C13orf42: variants seen among roughly 807,000 people sequenced by gnomAD.
The protein encoded by C13orf42 is chromosome 13 open reading frame 42.
chr13:51,095,704 G>A (rs186389324), intron 1 of C13orf42, among the ~76,000 whole-genome samples: 2 of 151,976 alleles, frequency 1.3e-5, no homozygotes, highest in East Asian at 3.9e-4. Context: ...TTTTCATTTG[G>A]TTCTTTCTTA....
rs374979809 is a variant in C13orf42, at chr13:51,128,971, A to C, written n.137-15749T>G. On this transcript the variant is annotated intron_variant and non_coding_transcript_variant, in intron 1 of 4. Transcript: ENST00000433280. ...CCCTACCTCCATTAACTAACCTTTGAGCTAGATGACCCTCTCAGGTGGATG... is the reference window on the plus strand; with the variant it reads ...CCCTACCTCCATTAACTAACCTTTGCGCTAGATGACCCTCTCAGGTGGATG... Among the ~76,000 whole-genome samples the C allele has an allele frequency of 5.8e-4, 88 of 152,252 alleles. 1 individual carries two copies. The highest frequency in any genetic ancestry group is 6.8e-3 in the Middle Eastern group (2 of 294).
chr13:51,096,037 A>AT (rs1164538361), intron 1 of C13orf42, among the ~76,000 whole-genome samples: 2 of 152,148 alleles, frequency 1.3e-5, no homozygotes, highest in African/African-American at 4.8e-5. Context: ...GTCAATCTAG[A>AT]TAAGATTTTA....
intron 1 of C13orf42, among the ~76,000 whole-genome samples, chr13:51,132,696 G>A (rs930629556): frequency 2.6e-5 from 4 of 152,098 alleles, no homozygotes; most frequent in African/African-American, 9.7e-5. Context: ...TTAAAAAGCA[G>A]GGAAAATGTC....
At chr13:51,108,556 T>A (rs1215855470) in intron 1 of C13orf42, among the ~76,000 whole-genome samples, 1 of 152,210 alleles carries the variant, frequency 6.6e-6, no homozygotes, top group Non-Finnish European at 1.5e-5. Context: ...AGACAGCAGC[T>A]GAAAAGACGG....
chr13:51,145,288 A>C (rs945630918), intron 1 of C13orf42, among the ~76,000 whole-genome samples: 6 of 152,158 alleles, frequency 3.9e-5, no homozygotes, highest in Admixed American at 1.3e-4. Flanking sequence ...ATACCTGCCT[A>C]TTAATATATG....
At chr13:51,107,803 A>T (rs1031843519) in intron 1 of C13orf42, among the ~76,000 whole-genome samples, 1 of 152,256 alleles carries the variant, frequency 6.6e-6, no homozygotes, top group African/African-American at 2.4e-5. Context: ...GCAGTCCACC[A>T]GGGGAGACGC....
At chr13:51,089,771 C>G (rs1593528336) in intron 1 of C13orf42, among the ~76,000 whole-genome samples, 1 of 151,398 alleles carries the variant, frequency 6.6e-6, no homozygotes, top group East Asian at 2.0e-4. Flanking sequence ...GGAAATCTCT[C>G]TTCCACAGAT....
intron 1 of C13orf42, among the ~76,000 whole-genome samples, chr13:51,097,727 A>G (rs1173651477): frequency 6.6e-6 from 1 of 151,864 alleles, no homozygotes; most frequent in Non-Finnish European, 1.5e-5. Flanking sequence ...GCAAAAGTGG[A>G]TTGCTTCCCT....
intron 1 of C13orf42, among the ~76,000 whole-genome samples, chr13:51,153,044 G>T (rs1455376556): frequency 1.3e-5 from 2 of 152,180 alleles, no homozygotes; most frequent in African/African-American, 4.8e-5. Context: ...CCCACACACA[G>T]AAGGGATTGA....
At chr13:51,170,275 C>T (rs1450041895) in intron 1 of C13orf42, among the ~76,000 whole-genome samples, 15 of 152,208 alleles carry the variant, frequency 9.9e-5, no homozygotes, top group Non-Finnish European at 1.9e-4. Context: ...GTTGCTCACA[C>T]AAAGCCTGTT....
intron 1 of C13orf42, among the ~76,000 whole-genome samples, chr13:51,110,500 A>G (rs1323197788): frequency 6.6e-6 from 1 of 152,186 alleles, no homozygotes; most frequent in Non-Finnish European, 1.5e-5. Flanking sequence ...CTGGGTGACA[A>G]AATAATCTGT....
At chr13:51,099,157 G>A (rs932170774) in intron 1 of C13orf42, among the ~76,000 whole-genome samples, 1 of 152,094 alleles carries the variant, frequency 6.6e-6, no homozygotes, top group Non-Finnish European at 1.5e-5. Flanking sequence ...TGGGATGGAG[G>A]TACAGGACCA....
chr13:51,103,167 GGCTCTGT>G (rs1253253971), intron 1 of C13orf42, among the ~76,000 whole-genome samples: 37 of 152,144 alleles, frequency 2.4e-4, no homozygotes, highest in Non-Finnish European at 2.9e-5. Flanking sequence ...GCAGCAGCCT[GGCTCTGT>G]CGCCAGCCTC....
At chr13:51,154,735 C>T (rs1341198186) in intron 1 of C13orf42, among the ~76,000 whole-genome samples, 5 of 152,216 alleles carry the variant, frequency 3.3e-5, no homozygotes, top group Non-Finnish European at 5.9e-5. Flanking sequence ...ACCTCAGCTA[C>T]GTGCCAGACC....
intron 3 of C13orf42, among the ~76,000 whole-genome samples, chr13:51,084,706 C>T (rs1418130007): frequency 2.0e-5 from 3 of 152,228 alleles, no homozygotes. Flanking sequence ...CAAGGCCCTG[C>T]AGCATGGCCT....
At chr13:51,166,654 T>C (rs1297097985) in intron 1 of C13orf42, among the ~76,000 whole-genome samples, 1 of 151,078 alleles carries the variant, frequency 6.6e-6, no homozygotes, top group Non-Finnish European at 1.5e-5. Flanking sequence ...TTCTTTCCGG[T>C]ACATTTTTGA....
At chr13:51,158,737 A>T (rs922471265) in intron 1 of C13orf42, among the ~76,000 whole-genome samples, 1 of 152,240 alleles carries the variant, frequency 6.6e-6, no homozygotes, top group Non-Finnish European at 1.5e-5. Context: ...TCAGTGAAAC[A>T]ACTACTATTG....
intron 1 of C13orf42, among the ~76,000 whole-genome samples, chr13:51,137,606 G>A (rs2138027191): frequency 6.6e-6 from 1 of 152,278 alleles, no homozygotes; most frequent in African/African-American, 2.4e-5. Context: ...AGCCAACCAA[G>A]CACAACAGAA....
rs186474434 is a variant in C13orf42, at chr13:51,118,430, G to A, written n.137-5208C>T. ...TCCTCACATCTTCACCTCCTCAATC[G>A]ATGGAAGGACACTGATTGCTTTGTG... On this transcript the variant is annotated intron_variant and non_coding_transcript_variant, in intron 1 of 4. Coordinates refer to the C13orf42 transcript ENST00000433280. Among the ~76,000 whole-genome samples the A allele has an allele frequency of 2.5e-4, 38 of 152,286 alleles. 1 individual carries two copies. Among genetic ancestry groups the A allele is most frequent in the Middle Eastern group, 6.8e-3 (2 of 294 alleles).
Sources: gnomAD v4.1 joint callset for allele counts (sites outside exome capture counted in the v4.1 genomes callset) on GRCh38, gnomAD v4.1.1 for gene constraint, MANE v1.5 for transcripts, NCBI Gene and HGNC (gene_info 2026-07-23, HGNC 2026-07-21) for gene names.